Variants in LDLRAD3 observed in about 807,000 individuals in gnomAD.
The protein encoded by LDLRAD3 is low-density lipoprotein receptor class A domain-containing protein 3.
A neutral mutation model predicts 29.4 loss-of-function variants in LDLRAD3; 20 were observed. That is an observed-to-expected ratio of 0.68 (90% CI 0.48 to 0.99). The LOEUF (loss-of-function observed/expected upper bound fraction) is 0.99, where lower values mean the gene tolerates loss of function less well. LDLRAD3 is among the 50% of genes least tolerant of loss of function. The probability of loss-of-function intolerance (pLI) is 0.00; values close to 1 mark genes in which losing one functional copy is unlikely to be tolerated. For missense variants in LDLRAD3, 420 were observed against 454.3 expected (o/e 0.92, Z 0.69); for synonymous variants, 157 against 192.7 (o/e 0.81, Z 1.53).
At chr11:36,180,451 C>T (rs2133356581) in intron 4 of LDLRAD3, among the ~76,000 whole-genome samples, 1 of 152,256 alleles carries the variant, frequency 6.6e-6, no homozygotes, top group East Asian at 1.9e-4. Flanking sequence ...AGTCTAGAGG[C>T]ACTGTACATG....
At chr11:36,040,775 T>C (rs1852370903) in intron 2 of LDLRAD3, among the ~76,000 whole-genome samples, 1 of 152,242 alleles carries the variant, frequency 6.6e-6, no homozygotes, top group Non-Finnish European at 1.5e-5. Context: ...GCTAAAGGTT[T>C]GCACCAGTTT....
At chr11:36,098,767 A>G (rs999190811) in intron 4 of LDLRAD3, among the ~76,000 whole-genome samples, 33 of 152,316 alleles carry the variant, frequency 2.2e-4, no homozygotes, top group African/African-American at 7.5e-4. Flanking sequence ...TGGTTTTCTG[A>G]GACAACGCTT....
At position 36,213,714 on chromosome 11, in the gene LDLRAD3, A is replaced by G. The variant is rs1306192456; in HGVS notation, c.455-13371A>G. Among the ~76,000 whole-genome samples the G allele has an allele frequency of 6.6e-6, 1 of 152,194 alleles. No homozygotes were observed. Among genetic ancestry groups the G allele is most frequent in the East Asian group, 1.9e-4 (1 of 5,194 alleles). ...CCGCACCTGAGCACAGGGCCCAGCC[A>G]GGATCTGGGCTCTCCAAGTGGACGA... On this transcript the variant is annotated intron_variant, in intron 4 of 5. Transcript: ENST00000315571. This position sits in a 1 kb window ranked among gnomAD's most constrained non-coding sequence, Gnocchi z 4.1.
At chr11:36,027,928 G>A (rs184206885) in intron 1 of LDLRAD3, among the ~76,000 whole-genome samples, 17 of 152,298 alleles carry the variant, frequency 1.1e-4, no homozygotes, top group African/African-American at 3.8e-4. Flanking sequence ...ACTTCCTCCT[G>A]CTGCTGCTGA....
In LDLRAD3 at chr11:36,105,238, T is replaced by TGTGTGTGTGTGTGAGA. The variant is rs1343780985; in HGVS notation, c.454+6778_454+6779insTGTGTGTGTGTGAGAG. Among the ~76,000 whole-genome samples the TGTGTGTGTGTGTGAGA allele has an allele frequency of 6.1e-3, 782 of 128,342 alleles. 7 individuals are homozygous for TGTGTGTGTGTGTGAGA. Among genetic ancestry groups the TGTGTGTGTGTGTGAGA allele is most frequent in the African/African-American group, 0.02 (650 of 33,012 alleles). The allele number at this position is 128,342 out of a possible 152,430, so 84.2% of individuals were successfully genotyped here. On this transcript the variant is annotated intron_variant, in intron 4 of 5. Transcript: ENST00000315571. ...GTGTGTGTGTGTGTGTGTGTGTGTGTGAGAGAGAGAGAGAGAGAGAGAGAA... is the reference window on the plus strand; with the variant it reads ...GTGTGTGTGTGTGTGTGTGTGTGTGTGTGTGTGTGTGTGAGAGAGAGAGAGAGAGAGAGAGAGAGAA...
chr11:36,138,893 A>G (rs182342243), intron 4 of LDLRAD3, among the ~76,000 whole-genome samples: 3 of 152,354 alleles, frequency 2.0e-5, no homozygotes, highest in Admixed American at 1.3e-4. Flanking sequence ...TGTAATCCCT[A>G]TGTAATAGGG....
chr11:36,040,878 GA>G (rs527798822), intron 2 of LDLRAD3, among the ~76,000 whole-genome samples: 11 of 152,040 alleles, frequency 7.2e-5, no homozygotes, highest in Non-Finnish European at 1.3e-4. Flanking sequence ...TTTAATAATT[GA>G]AAAGTTACTT....
chr11:35,951,013 G>T (rs1415185870), intron 1 of LDLRAD3, among the ~76,000 whole-genome samples: 2 of 152,040 alleles, frequency 1.3e-5, no homozygotes, highest in Non-Finnish European at 2.9e-5. Context: ...AACCTGGGAA[G>T]TGGAGGTTGC....
At chr11:36,026,494 A>T (rs1038408227) in intron 1 of LDLRAD3, among the ~76,000 whole-genome samples, 7 of 152,202 alleles carry the variant, frequency 4.6e-5, no homozygotes, top group Admixed American at 3.3e-4. Context: ...TAGGGGCTGG[A>T]TAAAATGAGG....
chr11:36,114,335 A>G (rs1006213984), intron 4 of LDLRAD3, among the ~76,000 whole-genome samples: 4 of 152,186 alleles, frequency 2.6e-5, no homozygotes, highest in African/African-American at 9.6e-5. Flanking sequence ...AAATCTGCCT[A>G]TCGGGGCTGA....
chr11:36,008,483 G>C (rs1264029937), intron 1 of LDLRAD3, among the ~76,000 whole-genome samples: 1 of 152,316 alleles, frequency 6.6e-6, no homozygotes, highest in African/African-American at 2.4e-5. Context: ...CCAGGAGTTT[G>C]TTGGGGTCAA....
At chr11:36,096,646 A>T (rs560209450) in intron 3 of LDLRAD3, among the ~76,000 whole-genome samples, 4 of 152,390 alleles carry the variant, frequency 2.6e-5, no homozygotes, top group African/African-American at 9.6e-5. Flanking sequence ...TTTGATGTGC[A>T]GATTAATGCC....
chr11:36,175,549 T>A (rs748333295), intron 4 of LDLRAD3, among the ~76,000 whole-genome samples: 5 of 152,236 alleles, frequency 3.3e-5, no homozygotes, highest in Non-Finnish European at 7.3e-5. Context: ...AATTTCCATC[T>A]TGATTTCATT....
At chr11:35,946,728 G>A (rs1380582534) in intron 1 of LDLRAD3, among the ~76,000 whole-genome samples, 12 of 152,242 alleles carry the variant, frequency 7.9e-5, no homozygotes, top group Admixed American at 5.2e-4. Context: ...TCAGTGAAAA[G>A]GCTTGATTTT....
At chr11:36,146,253 C>G (rs1282647323) in intron 4 of LDLRAD3, among the ~76,000 whole-genome samples, 1 of 152,202 alleles carries the variant, frequency 6.6e-6, no homozygotes, top group Non-Finnish European at 1.5e-5. Context: ...TTTTGAATAT[C>G]AAATGTCCGA....
intron 4 of LDLRAD3, among the ~76,000 whole-genome samples, chr11:36,121,954 C>T (rs1853765674): frequency 1.3e-5 from 2 of 152,158 alleles, no homozygotes; most frequent in Admixed American, 6.5e-5. Flanking sequence ...TACACCATTT[C>T]GGAATCCTTT....
chr11:36,159,265 G>A (rs932767253), intron 4 of LDLRAD3, among the ~76,000 whole-genome samples: 19 of 152,126 alleles, frequency 1.2e-4, no homozygotes, highest in African/African-American at 4.6e-4. Flanking sequence ...CCAGGAATTT[G>A]AGACCAGCCT....
intron 3 of LDLRAD3, 57 bp from the exon 4 acceptor site, chr11:36,098,270 G>C: frequency 6.2e-7 from 1 of 1,603,680 alleles, no homozygotes; most frequent in South Asian, 1.1e-5. Context: ...GAAGTTCCAG[G>C]GTCCCCAAGG....
intron 3 of LDLRAD3, among the ~76,000 whole-genome samples, chr11:36,088,413 T>G (rs1025808629): frequency 6.6e-6 from 1 of 152,112 alleles, no homozygotes; most frequent in African/African-American, 2.4e-5. Flanking sequence ...AAGCTGAAGA[T>G]CTTCTGCTAC....
Sources: allele counts gnomAD v4.1 joint callset (sites outside exome capture counted in the v4.1 genomes callset), GRCh38; gene constraint gnomAD v4.1.1; non-coding constraint Gnocchi (gnomAD v3.1); transcripts MANE v1.5; gene names NCBI Gene and HGNC (gene_info 2026-07-23, HGNC 2026-07-21).